Variants in KSR2 observed in about 807,000 individuals in gnomAD.
KSR2 encodes kinase suppressor of ras 2.
Under a neutral mutation model 107.8 loss-of-function variants are expected in KSR2, and 25 were observed. That is an observed-to-expected ratio of 0.23 (90% CI 0.17 to 0.32). KSR2 has a LOEUF of 0.32. Among genes scored for constraint, KSR2 ranks in the 10% least tolerant of loss-of-function variants. The probability of loss-of-function intolerance (pLI) is 1.00; values close to 1 mark genes in which losing one functional copy is unlikely to be tolerated. For missense variants in KSR2, 887 were observed against 1,268.9 expected, an observed-to-expected ratio of 0.70 and a Z score of 4.57; for synonymous variants, 480 against 507.0, an observed-to-expected ratio of 0.95 and a Z score of 0.71.
intron 17 of KSR2, among the ~76,000 whole-genome samples, chr12:117,473,079 A>C (rs1026904628): frequency 3.3e-5 from 5 of 152,158 alleles, no homozygotes; most frequent in Non-Finnish European, 7.4e-5. Flanking sequence ...TGCTGAAATC[A>C]TTCAAACAAG....
Position 117,461,171 on chromosome 12 carries a change from A to G in KSR2, c.*6028T>C, listed in dbSNP as rs1379631363. 6.6e-6 allele frequency: 1 copy of G among 152,368 alleles called. No homozygotes were observed. Among genetic ancestry groups the G allele is most frequent in the Non-Finnish European group, 1.5e-5 (1 of 68,190 alleles). The allele number at this position is 152,368 out of a possible 1,614,324, so 9.4% of individuals were successfully genotyped here. On this transcript the variant is annotated 3_prime_UTR_variant, in exon 20 of 20. Coordinates refer to ENST00000339824, the MANE Select transcript of KSR2 (RefSeq NM_173598.6). ...GCACCTGTAGTACCAGCAACTTGAG[A>G]GGCTAAGGTGGGAGGATTGCTTGTG... is the stretch of plus-strand genomic sequence containing the variant.
intron 3 of KSR2, among the ~76,000 whole-genome samples, chr12:117,804,398 A>G (rs1394081292): frequency 6.6e-6 from 1 of 152,196 alleles, no homozygotes; most frequent in African/African-American, 2.4e-5. Context: ...TCGTTTCAAC[A>G]AAGACCATAT....
At chr12:117,713,146 AAGAT>A (rs1388609774) in intron 4 of KSR2, among the ~76,000 whole-genome samples, 1 of 150,848 alleles carries the variant, frequency 6.6e-6, no homozygotes, top group Non-Finnish European at 1.5e-5. Context: ...AGATAGATAA[AAGAT>A]AGAAGATAGA....
chr12:117,832,008 G>A (rs1367922659), intron 3 of KSR2, among the ~76,000 whole-genome samples: 1 of 152,194 alleles, frequency 6.6e-6, no homozygotes, highest in Non-Finnish European at 1.5e-5. Flanking sequence ...ACTGTGGCCG[G>A]GTGCAGTGGC....
intron 7 of KSR2, among the ~76,000 whole-genome samples, chr12:117,561,050 C>A (rs1411201661): frequency 2.6e-5 from 4 of 152,142 alleles, no homozygotes; most frequent in Middle Eastern, 3.4e-3. Flanking sequence ...ATATTAATGG[C>A]AAATTATGTT....
chr12:117,793,264 A>C (rs2136983697), intron 3 of KSR2, among the ~76,000 whole-genome samples: 1 of 138,810 alleles, frequency 7.2e-6, no homozygotes, highest in Admixed American at 7.3e-5. Flanking sequence ...CCTCACACCA[A>C]CATGCACACA....
chr12:117,532,212 G>A (rs1043984657), intron 10 of KSR2, among the ~76,000 whole-genome samples: 1 of 152,198 alleles, frequency 6.6e-6, no homozygotes, highest in African/African-American at 2.4e-5. Context: ...TCCTCCTACA[G>A]TTCTGGAGGA....
rs57091494 is a variant in KSR2, at chr12:117,692,449, CAT to C, written c.987-24793_987-24792del. 2.6e-3 allele frequency among the ~76,000 whole-genome samples: 215 copies of C among 84,252 alleles called. 1 individual carries two copies. Among genetic ancestry groups the C allele is most frequent in the South Asian group, 4.2e-3 (7 of 1,678 alleles). The allele number at this position is 84,252 out of a possible 152,430, so 55.3% of individuals were successfully genotyped here. On this transcript the variant is annotated intron_variant, in intron 4 of 19. Transcript: ENST00000339824. ...TACCATATGACCTGGCAACTTCACT[CAT>C]ATATATATATATATATATATATATA...
intron 4 of KSR2, among the ~76,000 whole-genome samples, chr12:117,692,142 C>T (rs550106130): frequency 2.6e-5 from 4 of 152,040 alleles, no homozygotes; most frequent in South Asian, 2.1e-4. Context: ...ATATGGCGAA[C>T]GGCACGAAGA....
At chr12:117,484,832 A>C (rs1351893219) in intron 15 of KSR2, among the ~76,000 whole-genome samples, 10 of 152,204 alleles carry the variant, frequency 6.6e-5, no homozygotes, top group Admixed American at 5.9e-4. Flanking sequence ...AGAAACAAAA[A>C]GATCCCCAGG....
rs7309205 is a variant in KSR2 at position 117,968,307 on chromosome 12, A to C, written c.-52T>G. The C allele has an allele frequency of 3.4e-4, 449 of 1,325,572 alleles. 18 individuals are homozygous for C. In the South Asian group the frequency reaches 4.8e-3, roughly 14 times the overall value. 82.1% of individuals were successfully genotyped at this position (1,325,572 alleles called of 1,614,324 possible). A position where few individuals can be genotyped will look rare whatever the true frequency, so the allele number is the denominator to read the frequency against. On this transcript the variant is annotated 5_prime_UTR_variant, in exon 1 of 20. Coordinates refer to ENST00000339824, the MANE Select transcript of KSR2 (RefSeq NM_173598.6). ...CCTCCTCCTCCCAGAGAGAAAAAAGAGGGGGGGGAGTAGAGGTAGTCTACC... is the reference window on the plus strand; with the variant it reads ...CCTCCTCCTCCCAGAGAGAAAAAAGCGGGGGGGGAGTAGAGGTAGTCTACC...
At chr12:117,668,579 C>A (rs559348977) in intron 4 of KSR2, among the ~76,000 whole-genome samples, 2 of 152,298 alleles carry the variant, frequency 1.3e-5, no homozygotes, top group East Asian at 3.9e-4. Flanking sequence ...GGGCCAGACT[C>A]CCCAGATTCA....
intron 4 of KSR2, among the ~76,000 whole-genome samples, chr12:117,745,651 G>A (rs1356862668): frequency 6.6e-6 from 1 of 152,114 alleles, no homozygotes; most frequent in African/African-American, 2.4e-5. Flanking sequence ...GTCTCTGTTT[G>A]CAGATGACAT....
intron 4 of KSR2, among the ~76,000 whole-genome samples, chr12:117,728,674 C>T (rs1013341718): frequency 6.6e-6 from 1 of 152,322 alleles, no homozygotes; most frequent in Admixed American, 6.5e-5. Context: ...ACGGCCGTGC[C>T]GCCCTCACCA....
intron 3 of KSR2, among the ~76,000 whole-genome samples, chr12:117,823,876 T>A (rs1031208283): frequency 3.3e-5 from 5 of 152,208 alleles, no homozygotes; most frequent in African/African-American, 1.2e-4. Flanking sequence ...AATCACCATC[T>A]GATCTAGCAA....
At chr12:117,967,239 C>T (rs143092081) in intron 1 of KSR2, among the ~76,000 whole-genome samples, 1 of 151,968 alleles carries the variant, frequency 6.6e-6, no homozygotes, top group African/African-American at 2.4e-5. Flanking sequence ...CCCACTCCCC[C>T]AAAAAACTGT....
chr12:117,600,793 G>A (rs372758252), intron 5 of KSR2, among the ~76,000 whole-genome samples: 21 of 152,266 alleles, frequency 1.4e-4, no homozygotes, highest in African/African-American at 4.3e-4. Flanking sequence ...TTGCATCTGT[G>A]AGCTTCTTTC....
chr12:117,863,058 T>C (rs915951475), intron 1 of KSR2, among the ~76,000 whole-genome samples: 1 of 151,982 alleles, frequency 6.6e-6, no homozygotes, highest in African/African-American at 2.4e-5. Context: ...GAAAAGAACA[T>C]GTCAACTTTC....
At chr12:117,690,358 G>T (rs1885761768) in intron 4 of KSR2, among the ~76,000 whole-genome samples, 1 of 152,168 alleles carries the variant, frequency 6.6e-6, no homozygotes, top group Non-Finnish European at 1.5e-5. Context: ...GAGGTCAAGA[G>T]TTCGAGACCA....
Sources: allele counts gnomAD v4.1 joint callset (sites outside exome capture counted in the v4.1 genomes callset), GRCh38; gene constraint gnomAD v4.1.1; transcripts MANE v1.5; gene names NCBI Gene and HGNC (gene_info 2026-07-23, HGNC 2026-07-21).